Variants in RTTN observed in about 807,000 individuals in gnomAD.
RTTN encodes rotatin.
RTTN carries 182 observed loss-of-function variants against 269.2 expected under a neutral mutation model. The ratio of observed to expected loss-of-function variants is 0.68; its 90% CI spans 0.60 to 0.76. The LOEUF (loss-of-function observed/expected upper bound fraction) is 0.76. Among genes scored for constraint, RTTN ranks in the 30% least tolerant of loss-of-function variants. The pLI is 0.00. For missense variants in RTTN, 2,545 were observed against 2,608.6 expected (o/e 0.98, Z 0.53); for synonymous variants, 1,006 against 963.5 (o/e 1.04, Z -0.82).
In RTTN at chr18:70,004,056, C is replaced by G. The variant is rs911294608; in HGVS notation, c.*95G>C. ...GGATCAACACTTTGTAGAGAGGTAG[C>G]ACGTCTTCAGGTAACAGCTGCTACA... On this transcript the variant is annotated 3_prime_UTR_variant, in exon 49 of 49. Coordinates refer to ENST00000640769, the MANE Select transcript of RTTN (RefSeq NM_173630.4). 4.7e-6 allele frequency: 4 copies of G among 852,054 alleles called. No homozygotes were observed. Among genetic ancestry groups the G allele is most frequent in the Non-Finnish European group, 5.9e-6 (3 of 505,346 alleles). The allele number at this position is 852,054 out of a possible 1,614,324, so 52.8% of individuals were successfully genotyped here.
At chr18:70,017,343 G>A in intron 46 of RTTN, 64 bp downstream of exon 46, 2 of 1,388,842 alleles carry the variant, frequency 1.4e-6, no homozygotes, top group Non-Finnish European at 9.9e-7. Context: ...AAAATTATTT[G>A]GTGTTGACCT....
intron 28 of RTTN, among the ~76,000 whole-genome samples, chr18:70,101,768 T>C (rs1408927962): frequency 1.3e-5 from 2 of 152,222 alleles, no homozygotes; most frequent in Non-Finnish European, 2.9e-5. Flanking sequence ...GAAATTCTGG[T>C]ATATTGTGTC....
intron 28 of RTTN, 103 bp from the exon 29 acceptor site, chr18:70,092,907 T>C (rs1462733867): frequency 8.1e-6 from 8 of 992,484 alleles, no homozygotes; most frequent in African/African-American, 6.6e-5. Flanking sequence ...AATCCTTACC[T>C]TATAAAGTTG....
At chr18:70,106,693 C>T (rs2059329351) in intron 28 of RTTN, among the ~76,000 whole-genome samples, 1 of 150,952 alleles carries the variant, frequency 6.6e-6, no homozygotes, top group South Asian at 2.1e-4. Flanking sequence ...GTCTTATGCT[C>T]TTGAAAAAAA....
chr18:70,168,731 C>A (rs1235580470), intron 12 of RTTN, 124 bp downstream of exon 12: 5 of 674,870 alleles, frequency 7.4e-6, no homozygotes, highest in East Asian at 2.6e-5. Flanking sequence ...ATAATTGACC[C>A]ACTCAGGAAT....
In RTTN at chr18:70,025,805, G is replaced by A. The variant is rs60497134; in HGVS notation, c.5824-957C>T. Among the ~76,000 whole-genome samples, 1,392 of 152,184 alleles carry A rather than the reference G, an allele frequency of 9.1e-3. 26 individuals are homozygous for A. Among genetic ancestry groups the A allele is most frequent in the African/African-American group, 0.03 (1,251 of 41,508 alleles). On this transcript the variant is annotated intron_variant, in intron 43 of 48. Coordinates refer to ENST00000640769, the MANE Select transcript of RTTN (RefSeq NM_173630.4). ...ATCCATTCATCCTTCCTGTCTGCCC[G>A]GTAGTGACAAAGAGGTGTTCCACTT...
chr18:70,009,488 T>A (rs958459275), intron 46 of RTTN, among the ~76,000 whole-genome samples: 2 of 152,120 alleles, frequency 1.3e-5, no homozygotes, highest in South Asian at 4.1e-4. Flanking sequence ...CTAAGCTTCA[T>A]AAGTGAAAAA....
intron 7 of RTTN, among the ~76,000 whole-genome samples, chr18:70,193,995 G>C (rs890389103): frequency 6.6e-6 from 1 of 152,196 alleles, no homozygotes; most frequent in Non-Finnish European, 1.5e-5. Context: ...AAAGTGTTAA[G>C]ATAACTTATA....
At chr18:70,205,013 G>C (rs2062040393) in intron 2 of RTTN, 115 bp downstream of exon 2, 2 of 972,048 alleles carry the variant, frequency 2.1e-6, no homozygotes, top group South Asian at 1.6e-5. Context: ...AACATCTCTG[G>C]TTGATTAAAA....
rs536955365 is a variant in RTTN at position 70,009,535 on chromosome 18, G to C, written c.6422-3051C>G. Among the ~76,000 whole-genome samples the C allele has an allele frequency of 2.0e-5, 3 of 152,300 alleles. No homozygotes were observed. In the South Asian group the frequency reaches 6.2e-4, roughly 32 times the overall value. On this transcript the variant is annotated intron_variant, in intron 46 of 48. Coordinates refer to ENST00000640769, the MANE Select transcript of RTTN (RefSeq NM_173630.4). ...CTTTACAGAAAAGCAAATGCTGAGAGATTTTGTCACCAGCAGCCCTACCTT... is the reference window on the plus strand; with the variant it reads ...CTTTACAGAAAAGCAAATGCTGAGACATTTTGTCACCAGCAGCCCTACCTT...
intron 11 of RTTN, among the ~76,000 whole-genome samples, chr18:70,171,108 A>C (rs2061131868): frequency 6.6e-6 from 1 of 152,232 alleles, no homozygotes; most frequent in Non-Finnish European, 1.5e-5. Flanking sequence ...AGGTAAGTTC[A>C]GAGTTCAGGT....
chr18:70,192,156 C>A (rs937134679), intron 8 of RTTN, among the ~76,000 whole-genome samples: 1 of 152,152 alleles, frequency 6.6e-6, no homozygotes, highest in Non-Finnish European at 1.5e-5. Flanking sequence ...AAGCACAGGG[C>A]ATAACACCAT....
intron 22 of RTTN, 150 bp from the exon 23 acceptor site, chr18:70,134,691 T>C (rs991871494): frequency 6.9e-6 from 4 of 580,244 alleles, no homozygotes; most frequent in South Asian, 2.2e-5. Flanking sequence ...ACATGTTTGC[T>C]ACTTCCTAGA....
At chr18:70,146,789 T>C (rs2060404963) in intron 17 of RTTN, among the ~76,000 whole-genome samples, 1 of 152,196 alleles carries the variant, frequency 6.6e-6, no homozygotes, top group Admixed American at 6.6e-5. Context: ...AGCTCATAGA[T>C]ACATAGTAAG....
chr18:70,139,447 AT>A (rs1413987365), intron 21 of RTTN, 151 bp downstream of exon 21: 1 of 537,970 alleles, frequency 1.9e-6, no homozygotes, highest in East Asian at 3.0e-5. Context: ...CCACAAAAAT[AT>A]TAAACATTTT....
chr18:70,161,750 C>T (rs770875509), intron 14 of RTTN, among the ~76,000 whole-genome samples: 10 of 152,110 alleles, frequency 6.6e-5, no homozygotes, highest in Non-Finnish European at 1.5e-4. Flanking sequence ...AAAAAATGCT[C>T]AATATCACTA....
At chr18:70,022,533 T>C (rs2056735769) in intron 44 of RTTN, among the ~76,000 whole-genome samples, 2 of 152,226 alleles carry the variant, frequency 1.3e-5, no homozygotes, top group Non-Finnish European at 2.9e-5. Flanking sequence ...TGTCTCTTGC[T>C]GTTGCTCCAT....
intron 23 of RTTN, among the ~76,000 whole-genome samples, chr18:70,132,562 A>G (rs533795230): frequency 2.6e-5 from 4 of 152,038 alleles, no homozygotes; most frequent in South Asian, 4.1e-4. Flanking sequence ...GCATCAATAA[A>G]AAAAAATCAC....
At chr18:70,170,457 A>G (rs1389786798) in intron 11 of RTTN, among the ~76,000 whole-genome samples, 1 of 152,248 alleles carries the variant, frequency 6.6e-6, no homozygotes, top group Non-Finnish European at 1.5e-5. Context: ...CCAAAGTAGT[A>G]GAGGAAGGCC....
Sources: gnomAD v4.1 joint callset for allele counts (sites outside exome capture counted in the v4.1 genomes callset) on GRCh38, gnomAD v4.1.1 for gene constraint, MANE v1.5 for transcripts, NCBI Gene and HGNC (gene_info 2026-07-23, HGNC 2026-07-21) for gene names.